DDX60L: variants seen among roughly 807,000 people sequenced by gnomAD.
The protein encoded by DDX60L is DExD/H-box 60 like, also known as probable ATP-dependent RNA helicase DDX60-like.
DDX60L carries 191 observed loss-of-function variants against 211.6 expected under a neutral mutation model. The observed-to-expected ratio is 0.90, with a 90% CI of 0.80 to 1.02. The LOEUF is 1.02. DDX60L is among the 50% of genes least tolerant of loss of function. DDX60L has a pLI of 0.00. For synonymous variants in DDX60L, 706 were observed against 694.1 expected, an observed-to-expected ratio of 1.02 and a Z score of -0.27; for missense variants, 2,007 against 1,984.1, an observed-to-expected ratio of 1.01 and a Z score of -0.22.
In DDX60L at chr4:168,441,446, G is replaced by A; in HGVS notation, c.1185C>T (p.Asp395=). 1 of 1,612,066 alleles carries A rather than the reference G, an allele frequency of 6.2e-7. No individual in the cohort carries two copies. ...LGDSIRRDYE[D]LWNVVSHLVK... ...CCAGGTGTGACACAACATTCCACAG[G>A]TCTTCATAATCCCTCCTAATGGAAT... is the stretch of plus-strand genomic sequence containing the variant. Residue 395 remains aspartate, a synonymous_variant, in exon 10 of 38, where the codon GAC becomes GAT. Transcript: ENST00000682922.
At chr4:168,390,234 T>C in intron 29 of DDX60L, 3 of 1,048,536 alleles carry the variant, frequency 2.9e-6, no homozygotes, top group African/African-American at 1.7e-5. Flanking sequence ...CTAGTGATTT[T>C]GGCAAGGAAG....
intron 37 of DDX60L, among the ~76,000 whole-genome samples, chr4:168,359,760 C>T (rs940306305): frequency 5.9e-5 from 9 of 152,180 alleles, no homozygotes; most frequent in African/African-American, 1.9e-4. Flanking sequence ...TAAGACCCTT[C>T]GCATATACAA....
chr4:168,448,081 T>C (rs1755104769), intron 9 of DDX60L, among the ~76,000 whole-genome samples: 2 of 152,148 alleles, frequency 1.3e-5, no homozygotes, highest in African/African-American at 4.8e-5. Flanking sequence ...TTGTTAAAAC[T>C]AGTAAAATTT....
At chr4:168,374,583 A>G (rs924386288) in intron 34 of DDX60L, among the ~76,000 whole-genome samples, 1 of 152,258 alleles carries the variant, frequency 6.6e-6, no homozygotes, top group African/African-American at 2.4e-5. Flanking sequence ...TTCCGTAATG[A>G]TGGAAATATT....
chr4:168,471,699 A>G (rs754195946), intron 4 of DDX60L, 48 bp downstream of exon 4: 7 of 1,424,066 alleles, frequency 4.9e-6, no homozygotes, highest in Non-Finnish European at 6.7e-6. Flanking sequence ...AAGACATTTC[A>G]GTTATAGTCT....
At chr4:168,418,170 T>G (rs987391148) in intron 19 of DDX60L, among the ~76,000 whole-genome samples, 1 of 152,138 alleles carries the variant, frequency 6.6e-6, no homozygotes, top group Non-Finnish European at 1.5e-5. Context: ...CGGGTTCAAG[T>G]GATTTTCCTG....
At chr4:168,443,815 A>G (rs1415052465) in intron 9 of DDX60L, among the ~76,000 whole-genome samples, 1 of 151,640 alleles carries the variant, frequency 6.6e-6, no homozygotes, top group Non-Finnish European at 1.5e-5. Context: ...TACTTTACAG[A>G]CAAGCAAATG....
rs1166318402 is a variant in DDX60L, at chr4:168,453,303, G to A, written c.838-21C>T. ...TGCACCTGCGTACAATAAAGAAGAT[G>A]AGAACAGTCACAATGTCACGCTGTG... On this transcript the variant is annotated intron_variant, in intron 7 of 37. Transcript: ENST00000682922. The A allele has an allele frequency of 3.1e-6, 5 of 1,598,440 alleles. No individual in the cohort carries two copies. The South Asian group carries it at 3.4e-5, about 11-fold the overall frequency.
intron 36 of DDX60L, among the ~76,000 whole-genome samples, chr4:168,370,210 A>G (rs1740767085): frequency 1.3e-5 from 2 of 152,224 alleles, no homozygotes; most frequent in South Asian, 4.1e-4. Flanking sequence ...AAAATGTGGT[A>G]CATATACACA....
rs758213491 is a variant in DDX60L at position 168,432,547 on chromosome 4, A to C, written c.1424T>G (p.Leu475Arg). ...LKSDDPVVPS[L>R]FKQKTSDELL... ...TTCATCAGATGTCTTTTGTTTAAAC[A>C]GTGAAGGAACAACCGGATCATCACT... Residue 475 changes from leucine to arginine, a missense_variant, in exon 12 of 38, where the codon CTG (leucine) becomes CGG (arginine). Leu to Arg is a moderately radical substitution (Grantham distance 102). Coordinates refer to ENST00000682922, the MANE Select transcript of DDX60L (RefSeq NM_001012967.3). 3 of 1,584,148 alleles carry C rather than the reference A, an allele frequency of 1.9e-6. No homozygotes were observed. The highest frequency in any genetic ancestry group is 1.4e-5 in the African/African-American group (1 of 73,874).
chr4:168,412,092 TA>T (rs1160441157), intron 22 of DDX60L, among the ~76,000 whole-genome samples: 1 of 151,918 alleles, frequency 6.6e-6, no homozygotes, highest in Non-Finnish European at 1.5e-5. Context: ...AGCTAGGTAG[TA>T]CGTGGCCGTG....
chr4:168,477,274 G>A (rs532878688), intron 1 of DDX60L, among the ~76,000 whole-genome samples: 1 of 152,156 alleles, frequency 6.6e-6, no homozygotes, highest in African/African-American at 2.4e-5. Flanking sequence ...AATTAGCCGG[G>A]CGTGGTGGCA....
chr4:168,441,991 G>C (rs1477997384), intron 9 of DDX60L, among the ~76,000 whole-genome samples: 1 of 152,110 alleles, frequency 6.6e-6, no homozygotes, highest in Non-Finnish European at 1.5e-5. Flanking sequence ...ACAGAATATG[G>C]GGGAGGAGCC....
intron 22 of DDX60L, among the ~76,000 whole-genome samples, chr4:168,414,583 A>G (rs1749220583): frequency 6.6e-6 from 1 of 152,188 alleles, no homozygotes; most frequent in African/African-American, 2.4e-5. Context: ...GCCATTCACA[A>G]TAGCCAAGAT....
intron 8 of DDX60L, among the ~76,000 whole-genome samples, chr4:168,449,650 T>TAAAAAAAAAAAAAAAAAA (rs1755423821): frequency 1.4e-4 from 1 of 6,952 alleles, no homozygotes; most frequent in African/African-American, 8.5e-4. Flanking sequence ...AAAAAAAAAA[T>TAAAAAAAAAAAAAAAAAA]GCAAAAAAAA....
At chr4:168,437,898 G>T (rs1753277882) in intron 10 of DDX60L, among the ~76,000 whole-genome samples, 1 of 152,040 alleles carries the variant, frequency 6.6e-6, no homozygotes, top group South Asian at 2.1e-4. Context: ...TTTTGAAACG[G>T]AGTCTCACTT....
intron 9 of DDX60L, among the ~76,000 whole-genome samples, chr4:168,447,120 G>A (rs1284467993): frequency 3.8e-5 from 5 of 131,316 alleles, no homozygotes; most frequent in South Asian, 2.7e-4. Flanking sequence ...GAAAATTTTC[G>A]CAACCTACTC....
rs1351608614 is a variant in DDX60L, at chr4:168,407,078, T to C, written c.2980-372A>G. ...ATAGCCTCAGTTTAGACAAAAAATATACCTTTCTTTTTGAAATATCCCTTT... is the reference window on the plus strand; with the variant it reads ...ATAGCCTCAGTTTAGACAAAAAATACACCTTTCTTTTTGAAATATCCCTTT... On this transcript the variant is annotated intron_variant, in intron 22 of 37. Coordinates refer to ENST00000682922, the MANE Select transcript of DDX60L (RefSeq NM_001012967.3). 2.6e-5 allele frequency among the ~76,000 whole-genome samples: 4 copies of C among 152,290 alleles called. No homozygotes were observed. The South Asian group carries it at 6.2e-4, about 24-fold the overall frequency.
In DDX60L at chr4:168,422,969, T is replaced by TTG. The variant is rs5863932; in HGVS notation, c.2098-301_2098-300dup. Among the ~76,000 whole-genome samples the TTG allele has an allele frequency of 8.5e-3, 1,132 of 133,018 alleles. 11 individuals carry two copies. Among genetic ancestry groups the TTG allele is most frequent in the Middle Eastern group, 0.034 (9 of 268 alleles). 87.3% of individuals were successfully genotyped at this position (133,018 alleles called of 152,430 possible). ...CACATGCTATCAATTGTGGCTAATA[T>TTG]TGTGTGTGTGTGTGTGTGTGTGTGT... On this transcript the variant is annotated intron_variant, in intron 15 of 37. Coordinates refer to ENST00000682922, the MANE Select transcript of DDX60L (RefSeq NM_001012967.3).
Sources: gnomAD v4.1 joint callset for allele counts (sites outside exome capture counted in the v4.1 genomes callset) on GRCh38, gnomAD v4.1.1 for gene constraint, MANE v1.5 for transcripts, NCBI Gene and HGNC (gene_info 2026-07-23, HGNC 2026-07-21) for gene names.